PGAP4: variants seen among roughly 807,000 people sequenced by gnomAD.
PGAP4 encodes GPI-N-acetylgalactosamine transferase PGAP4.
A neutral mutation model predicts 28.2 loss-of-function variants in PGAP4; 12 were observed. The observed-to-expected ratio is 0.42, with a 90% CI of 0.27 to 0.69. The LOEUF (loss-of-function observed/expected upper bound fraction) is 0.69. Among genes scored for constraint, PGAP4 ranks in the 30% least tolerant of loss-of-function variants. PGAP4 has a pLI of 0.22. For synonymous variants in PGAP4, 205 were observed against 211.8 expected (o/e 0.97, Z 0.28); for missense variants, 425 against 513.5 (o/e 0.83, Z 1.67).
At chr9:101,498,853 A>G (rs1385992330) in intron 2 of PGAP4, among the ~76,000 whole-genome samples, 4 of 152,030 alleles carry the variant, frequency 2.6e-5, no homozygotes, top group Non-Finnish European at 4.4e-5. Flanking sequence ...GCTTTTAATT[A>G]GCTATCTTGT....
At chr9:101,498,801 G>C (rs988598778) in intron 2 of PGAP4, among the ~76,000 whole-genome samples, 3 of 151,926 alleles carry the variant, frequency 2.0e-5, no homozygotes, top group Admixed American at 2.0e-4. Flanking sequence ...GGAATATCAG[G>C]GGTTTAAATT....
At position 101,477,189 on chromosome 9, in the gene PGAP4, G is replaced by A; in HGVS notation, c.-77-20C>T. On this transcript the variant is annotated intron_variant, in intron 1 of 1. Coordinates refer to ENST00000374848, the MANE Select transcript of PGAP4 (RefSeq NM_032342.3). The stretch of plus-strand genomic sequence containing the variant: ...TCAAACCTAAAGAGAGAGGAAGTAG[G>A]GAATGGTAAGAGTAACTTAAAAAAA... 1.4e-6 allele frequency: 2 copies of A among 1,434,290 alleles called. No individual in the cohort carries two copies. The highest frequency in any genetic ancestry group is 1.8e-6 in the Non-Finnish European group (2 of 1,093,098). The allele number at this position is 1,434,290 out of a possible 1,614,324, so 88.8% of individuals were successfully genotyped here.
At chr9:101,497,568 T>C (rs1316595117) in intron 2 of PGAP4, among the ~76,000 whole-genome samples, 1 of 151,462 alleles carries the variant, frequency 6.6e-6, no homozygotes, top group Non-Finnish European at 1.5e-5. Context: ...AACATATATG[T>C]GTGTGTGTGT....
At chr9:101,518,500 C>T (rs1826959637) in intron 2 of PGAP4, among the ~76,000 whole-genome samples, 1 of 152,170 alleles carries the variant, frequency 6.6e-6, no homozygotes, top group South Asian at 2.1e-4. Flanking sequence ...CATAGCTTAG[C>T]TCCCACATAT....
At chr9:101,508,965 G>T (rs995235548) in intron 2 of PGAP4, among the ~76,000 whole-genome samples, 3 of 152,164 alleles carry the variant, frequency 2.0e-5, no homozygotes, top group African/African-American at 7.2e-5. Flanking sequence ...GCTTTTCAGT[G>T]CTCTTGTGGC....
intron 2 of PGAP4, among the ~76,000 whole-genome samples, chr9:101,525,720 A>AAAG (rs1827030488): frequency 6.7e-6 from 1 of 148,578 alleles, no homozygotes; most frequent in African/African-American, 2.5e-5. Flanking sequence ...AAAAAAAAAA[A>AAAG]AGAGAGAGAG....
At position 101,475,824 on chromosome 9, in the gene PGAP4, G is replaced by T; in HGVS notation, c.*57C>A. 1 of 1,526,480 alleles carries T rather than the reference G, an allele frequency of 6.6e-7. No individual in the cohort carries two copies. Among genetic ancestry groups the T allele is most frequent in the South Asian group, 1.2e-5 (1 of 80,930 alleles). The allele number at this position is 1,526,480 out of a possible 1,614,324, so 94.6% of individuals were successfully genotyped here. On this transcript the variant is annotated 3_prime_UTR_variant, in exon 2 of 2. Coordinates refer to ENST00000374848, the MANE Select transcript of PGAP4 (RefSeq NM_032342.3). ...GCAGGCAACCATGTCTAAATAAAGA[G>T]ATAAATATTTGAATCTTCAAGAAGT...
chr9:101,484,204 G>A (rs1225483972), intron 1 of PGAP4, among the ~76,000 whole-genome samples: 3 of 151,648 alleles, frequency 2.0e-5, no homozygotes, highest in African/African-American at 7.3e-5. Context: ...AAGAGGGGCA[G>A]AGGAACAAAG....
chr9:101,508,604 C>T (rs538661794), intron 2 of PGAP4, among the ~76,000 whole-genome samples: 99 of 152,284 alleles, frequency 6.5e-4, no homozygotes, highest in African/African-American at 1.9e-3. Flanking sequence ...TATAAAGCAA[C>T]GGTCCTCAAC....
intron 2 of PGAP4, among the ~76,000 whole-genome samples, chr9:101,522,625 C>T (rs1826998704): frequency 6.6e-6 from 1 of 152,132 alleles, no homozygotes; most frequent in Admixed American, 6.5e-5. Context: ...TAAGTTGAGT[C>T]TCCTGAAGGC....
At chr9:101,502,948 T>C (rs1310145568) in intron 2 of PGAP4, among the ~76,000 whole-genome samples, 1 of 152,090 alleles carries the variant, frequency 6.6e-6, no homozygotes, top group Middle Eastern at 3.2e-3. Flanking sequence ...AAAAATATTT[T>C]TCAGTGTTGA....
chr9:101,530,026 C>A (rs1433151938), intron 2 of PGAP4, among the ~76,000 whole-genome samples: 1 of 152,176 alleles, frequency 6.6e-6, no homozygotes, highest in Non-Finnish European at 1.5e-5. Context: ...TTATGTCTGG[C>A]ATACAATCCA....
At chr9:101,489,625 C>T (rs1188127566), upstream of PGAP4, among the ~76,000 whole-genome samples, 8 of 152,154 alleles carry the variant, frequency 5.3e-5, no homozygotes, top group African/African-American at 1.9e-4. Context: ...GAATAAATAG[C>T]ATAACTCTAC....
At chr9:101,506,767 A>G (rs997240386) in intron 2 of PGAP4, among the ~76,000 whole-genome samples, 2 of 152,116 alleles carry the variant, frequency 1.3e-5, no homozygotes, top group African/African-American at 4.8e-5. Context: ...CTTAACATCC[A>G]TTAAAGCTGG....
intron 2 of PGAP4, among the ~76,000 whole-genome samples, chr9:101,497,982 T>C (rs746396585): frequency 1.3e-4 from 19 of 151,874 alleles, no homozygotes; most frequent in Admixed American, 2.6e-4. Context: ...TAAAAGATAG[T>C]TGGATCCAAA....
At chr9:101,521,961 A>T (rs1220505420) in intron 2 of PGAP4, among the ~76,000 whole-genome samples, 2 of 152,094 alleles carry the variant, frequency 1.3e-5, no homozygotes, top group Non-Finnish European at 2.9e-5. Context: ...TCTTGATTTC[A>T]TTTTTGACCC....
intron 1 of PGAP4, among the ~76,000 whole-genome samples, chr9:101,484,207 G>A (rs7029708): frequency 0.52 from 78,522 of 151,474 alleles, 21,984 homozygotes; most frequent in African/African-American, 0.74. Context: ...AGGGGCAGAG[G>A]AACAAAGGGA....
Position 101,486,772 on chromosome 9 carries a change from C to A in PGAP4, c.-78+177G>T, listed in dbSNP as rs1349580178. Among the ~76,000 whole-genome samples the A allele has an allele frequency of 2.0e-5, 3 of 152,324 alleles. No individual in the cohort carries two copies. The East Asian group carries it at 5.8e-4, about 30-fold the overall frequency. ...GCGGGCAGGGCCGCTAGGCAACCCG[C>A]CTGCCCGAGGCGCACTGCCCGGGGC... On this transcript the variant is annotated intron_variant, in intron 1 of 1. Transcript: ENST00000374848. The surrounding 1 kb of genome is among the most constrained non-coding windows in gnomAD (Gnocchi z 4.7).
chr9:101,481,751 A>G (rs2118533382), intron 1 of PGAP4, among the ~76,000 whole-genome samples: 1 of 152,326 alleles, frequency 6.6e-6, no homozygotes, highest in Non-Finnish European at 1.5e-5. Flanking sequence ...GAGTCAGGGG[A>G]TGAGTGCTCA....
Sources: allele counts gnomAD v4.1 joint callset (sites outside exome capture counted in the v4.1 genomes callset), GRCh38; gene constraint gnomAD v4.1.1; non-coding constraint Gnocchi (gnomAD v3.1); transcripts MANE v1.5; gene names NCBI Gene and HGNC (gene_info 2026-07-23, HGNC 2026-07-21).